The following NR4A3 variants were observed in gnomAD, a reference collection of about 807,000 sequenced individuals.
NR4A3 encodes chondrosarcoma, extraskeletal myxoid, fused to EWS.
Under a neutral mutation model 55.6 loss-of-function variants are expected in NR4A3, and 13 were observed. That is an observed-to-expected ratio of 0.23 (90% CI 0.15 to 0.37). The LOEUF (loss-of-function observed/expected upper bound fraction) is 0.37, where lower values mean the gene tolerates loss of function less well. Among genes scored for constraint, NR4A3 ranks in the 10% least tolerant of loss-of-function variants. The pLI is 1.00. For synonymous variants in NR4A3, 342 were observed against 357.9 expected (o/e 0.96, Z 0.50); for missense variants, 646 against 822.8 (o/e 0.79, Z 2.63).
At chr9:99,859,386 C>T (rs927878876) in intron 7 of NR4A3, among the ~76,000 whole-genome samples, 4 of 152,206 alleles carry the variant, frequency 2.6e-5, no homozygotes, top group African/African-American at 9.6e-5. Context: ...GACCCAGACA[C>T]TTAGTGACTC....
chr9:99,841,827 G>A (rs1156797869), intron 5 of NR4A3, among the ~76,000 whole-genome samples: 1 of 152,160 alleles, frequency 6.6e-6, no homozygotes. Context: ...AAAATTAGAT[G>A]GGCGTGGTGG....
intron 5 of NR4A3, chr9:99,833,858 A>G: frequency 7.9e-7 from 1 of 1,270,188 alleles, no homozygotes. Flanking sequence ...AGTTTATCCA[A>G]TTGCATCAGC....
chr9:99,851,091 G>C (rs1029336119), intron 7 of NR4A3, among the ~76,000 whole-genome samples: 1 of 152,168 alleles, frequency 6.6e-6, no homozygotes, highest in Non-Finnish European at 1.5e-5. Flanking sequence ...GGGCCTCCCC[G>C]ACCAGGTAGC....
At chr9:99,826,910 C>A in intron 2 of NR4A3, 1 of 1,112,130 alleles carries the variant, frequency 9.0e-7, no homozygotes, top group Non-Finnish European at 1.3e-6. Flanking sequence ...TCCTTTGGCT[C>A]AGAAAAACCA....
At chr9:99,823,350 G>C (rs1827220004) in intron 1 of NR4A3, among the ~76,000 whole-genome samples, 1 of 152,210 alleles carries the variant, frequency 6.6e-6, no homozygotes, top group Non-Finnish European at 1.5e-5. Context: ...CGGGGCAGTG[G>C]TGAGGAAGAA....
At chr9:99,834,968 G>GAATCA in intron 5 of NR4A3, 5 of 979,160 alleles carry the variant, frequency 5.1e-6, no homozygotes, top group Non-Finnish European at 6.1e-6. Flanking sequence ...GGAATCATGC[G>GAATCA]GGCCTAGATG....
chr9:99,828,630 G>C lies in NR4A3; in HGVS notation c.588G>C (p.Ser196=), dbSNP rs1827367193. 1 of 1,476,906 alleles carries C rather than the reference G, an allele frequency of 6.8e-7. No homozygotes were observed. Among genetic ancestry groups the C allele is most frequent in the East Asian group, 2.9e-5 (1 of 34,164 alleles). 91.5% of individuals were successfully genotyped at this position (1,476,906 alleles called of 1,614,324 possible). Residue 196 remains serine, a synonymous_variant, in exon 3 of 8, where the codon TCG becomes TCC. Transcript: ENST00000395097. The surrounding 1 kb of genome is among the most constrained non-coding windows in gnomAD (Gnocchi z 7.7). ...ARFPLFHFKP[S]PPHPPAPSPA... ...TCCCGCTCTTCCACTTCAAGCCCTC[G>C]CCGCCGCATCCCCCCGCGCCCAGCC...
At chr9:99,832,925 T>C in intron 4 of NR4A3, 107 bp downstream of exon 4, 1 of 971,642 alleles carries the variant, frequency 1.0e-6, no homozygotes, top group East Asian at 2.6e-5. Context: ...AGTTCCTTTT[T>C]CCTTTCAACA....
rs768365046 is a variant in NR4A3, at chr9:99,833,625, A to C, written c.1254+171A>C. 1.2e-5 allele frequency: 19 copies of C among 1,597,200 alleles called. No individual in the cohort carries two copies. In the Middle Eastern group the frequency reaches 1.2e-3, roughly 98 times the overall value. On this transcript the variant is annotated intron_variant, in intron 5 of 7. Coordinates refer to ENST00000395097, the MANE Select transcript of NR4A3 (RefSeq NM_006981.4). ...CAATTCAGTGCATCCATTGCAGCAA[A>C]TAATTTTTGCCTTATTGAATCTCTA...
At chr9:99,849,780 A>G (rs73499688) in intron 7 of NR4A3, among the ~76,000 whole-genome samples, 11,250 of 152,314 alleles carry the variant, frequency 0.074, 1,195 homozygotes, top group African/African-American at 0.23. Context: ...CCTAGGCACC[A>G]TGCTGCATGT....
chr9:99,856,286 C>T (rs1041938044), intron 7 of NR4A3, among the ~76,000 whole-genome samples: 1 of 151,626 alleles, frequency 6.6e-6, no homozygotes, highest in Non-Finnish European at 1.5e-5. Context: ...CAGATCACCA[C>T]GCATTAGATT....
chr9:99,848,194 CT>C (rs1211158685), intron 7 of NR4A3, among the ~76,000 whole-genome samples: 1 of 152,238 alleles, frequency 6.6e-6, no homozygotes, highest in Non-Finnish European at 1.5e-5. Flanking sequence ...GAGGTTTCCC[CT>C]GTCCCCAGTT....
chr9:99,821,926 C>T lies in NR4A3; in HGVS notation c.-658C>T, dbSNP rs1160298403. On this transcript the variant is annotated 5_prime_UTR_variant, in exon 1 of 8. Transcript: ENST00000395097. The stretch of plus-strand genomic sequence containing the variant: ...GGAGTCTCCTGCCTCCCGCCCCCCA[C>T]CCCTCCAGCTCCTGCTCCTCCTCCG... 3.0e-5 allele frequency: 4 copies of T among 131,340 alleles called. No homozygotes were observed. The highest frequency in any genetic ancestry group is 1.1e-4 in the African/African-American group (4 of 35,928). The allele number at this position is 131,340 out of a possible 1,614,324, so 8.1% of individuals were successfully genotyped here.
At chr9:99,834,454 T>C (rs1435938252) in intron 5 of NR4A3, among the ~76,000 whole-genome samples, 1 of 152,188 alleles carries the variant, frequency 6.6e-6, no homozygotes, top group African/African-American at 2.4e-5. Context: ...CCACCATGAA[T>C]TGTAGGAATC....
chr9:99,823,404 TTTTA>T (rs1415945613), intron 1 of NR4A3, among the ~76,000 whole-genome samples: 6 of 152,102 alleles, frequency 3.9e-5, no homozygotes, highest in African/African-American at 1.2e-4. Context: ...GGAGATTGCC[TTTTA>T]TTTATTTATG....
chr9:99,842,299 A>C (rs1007648592), intron 5 of NR4A3, among the ~76,000 whole-genome samples: 1 of 152,166 alleles, frequency 6.6e-6, no homozygotes, highest in African/African-American at 2.4e-5. Context: ...TCTTCTGACT[A>C]TTCTTTCATT....
rs1828052087 is a variant in NR4A3, at chr9:99,864,058, T to C, written c.*191T>C. The C allele has an allele frequency of 3.3e-6, 2 of 606,838 alleles. No individual in the cohort carries two copies. Among genetic ancestry groups the C allele is most frequent in the Non-Finnish European group, 5.6e-6 (2 of 356,116 alleles). 37.6% of individuals were successfully genotyped at this position (606,838 alleles called of 1,614,324 possible). A position where few individuals can be genotyped will look rare whatever the true frequency, so the allele number is the denominator to read the frequency against. On this transcript the variant is annotated 3_prime_UTR_variant, in exon 8 of 8. Transcript: ENST00000395097. Reference sequence around the variant, plus strand: ...CTAAAGCCAGAAAACTTGCAGAGTATTGTGTTGGGGTTGTGTTTTATATTT... The same window carrying C: ...CTAAAGCCAGAAAACTTGCAGAGTACTGTGTTGGGGTTGTGTTTTATATTT...
At chr9:99,838,022 C>T (rs1827590501) in intron 5 of NR4A3, among the ~76,000 whole-genome samples, 1 of 152,124 alleles carries the variant, frequency 6.6e-6, no homozygotes, top group Non-Finnish European at 1.5e-5. Flanking sequence ...CTCCTTTGGG[C>T]CAAACTTCTC....
chr9:99,860,423 T>G (rs1406818648), intron 7 of NR4A3, among the ~76,000 whole-genome samples: 1 of 152,212 alleles, frequency 6.6e-6, no homozygotes, highest in Non-Finnish European at 1.5e-5. Flanking sequence ...TACAGTTTTA[T>G]TCTTCTGTTA....
Sources: allele counts gnomAD v4.1 joint callset (sites outside exome capture counted in the v4.1 genomes callset), GRCh38; gene constraint gnomAD v4.1.1; non-coding constraint Gnocchi (gnomAD v3.1); transcripts MANE v1.5; gene names NCBI Gene and HGNC (gene_info 2026-07-23, HGNC 2026-07-21).